The following AMPH variants were observed in gnomAD, a reference collection of about 807,000 sequenced individuals.
The protein encoded by AMPH is amphiphysin (Stiff-Mann syndrome with breast cancer 128kD autoantigen).
In AMPH, 49 loss-of-function variants were observed where a neutral mutation model predicts 99.1. The observed-to-expected ratio is 0.49, with a 90% confidence interval of 0.39 to 0.63. AMPH has a LOEUF of 0.63. Among genes scored for constraint, AMPH ranks in the 20% least tolerant of loss-of-function variants. AMPH has a pLI of 0.00. For synonymous variants in AMPH, 314 were observed against 317.3 expected (o/e 0.99, Z 0.11); for missense variants, 759 against 863.4 (o/e 0.88, Z 1.52).
At chr7:38,388,427 A>G (rs2128973048) in intron 20 of AMPH, among the ~76,000 whole-genome samples, 1 of 151,884 alleles carries the variant, frequency 6.6e-6, no homozygotes, top group East Asian at 1.9e-4. Flanking sequence ...CGGCTTTATC[A>G]ATTTTATCTG....
chr7:38,430,329 CTGA>C (rs1337736546), intron 13 of AMPH, among the ~76,000 whole-genome samples: 1 of 152,184 alleles, frequency 6.6e-6, no homozygotes, highest in African/African-American at 2.4e-5. Context: ...GGAGAATGGT[CTGA>C]TATTAACCAG....
intron 1 of AMPH, among the ~76,000 whole-genome samples, chr7:38,576,060 G>T (rs553281400): frequency 1.6e-4 from 24 of 152,316 alleles, no homozygotes; most frequent in Non-Finnish European, 3.1e-4. Context: ...GGGATAGACT[G>T]CCTAGTGACT....
intron 2 of AMPH, among the ~76,000 whole-genome samples, chr7:38,523,721 T>C (rs975420727): frequency 1.3e-5 from 2 of 152,218 alleles, no homozygotes; most frequent in African/African-American, 4.8e-5. Flanking sequence ...ACTCAAAAAT[T>C]TTACCACTGA....
chr7:38,389,590 T>C (rs1242838688), intron 20 of AMPH, among the ~76,000 whole-genome samples: 1 of 152,220 alleles, frequency 6.6e-6, no homozygotes, highest in Non-Finnish European at 1.5e-5. Flanking sequence ...AACAGTCAAC[T>C]GTTTGTATTA....
intron 1 of AMPH, among the ~76,000 whole-genome samples, chr7:38,605,701 G>A (rs1367936957): frequency 2.0e-5 from 3 of 151,936 alleles, no homozygotes; most frequent in East Asian, 1.9e-4. Context: ...TCAGCCTCCC[G>A]AGTAGCTGGG....
rs377389687 is a variant in AMPH, at chr7:38,620,364, C to CTG, written c.69+10917_69+10918dup. ...TGTGTGTGTGTGTGTGTGTGTGTGT[C>CTG]TGTGTGTGTGTGTTAAAGAAGCAGG... On this transcript the variant is annotated intron_variant, in intron 1 of 20. Coordinates refer to ENST00000356264, the MANE Select transcript of AMPH (RefSeq NM_001635.4). Among the ~76,000 whole-genome samples, 257 of 114,132 alleles carry CTG rather than the reference C, an allele frequency of 2.3e-3. 1 individual carries two copies. Among genetic ancestry groups the CTG allele is most frequent in the Non-Finnish European group, 3.4e-3 (170 of 50,494 alleles). 74.9% of individuals were successfully genotyped at this position (114,132 alleles called of 152,430 possible). A position where few individuals can be genotyped will look rare whatever the true frequency, so the allele number is the denominator to read the frequency against.
At chr7:38,431,469 A>C (rs1040283994) in intron 13 of AMPH, among the ~76,000 whole-genome samples, 5 of 152,154 alleles carry the variant, frequency 3.3e-5, no homozygotes, top group Non-Finnish European at 7.3e-5. Context: ...CATCCTGGCT[A>C]ACACGGTGAA....
chr7:38,510,438 G>A (rs73352499), intron 2 of AMPH, among the ~76,000 whole-genome samples: 2,141 of 152,252 alleles, frequency 0.014, 43 homozygotes, highest in African/African-American at 0.049. Flanking sequence ...AGTCCATGAT[G>A]TAACAATGAA....
chr7:38,482,954 C>T (rs1347868576), intron 5 of AMPH, among the ~76,000 whole-genome samples: 2 of 152,080 alleles, frequency 1.3e-5, no homozygotes, highest in African/African-American at 4.8e-5. Context: ...GTTTGTAAGA[C>T]ACCCAGAAAC....
intron 11 of AMPH, among the ~76,000 whole-genome samples, chr7:38,455,830 A>C (rs1019317979): frequency 4.6e-5 from 7 of 152,240 alleles, no homozygotes; most frequent in African/African-American, 1.7e-4. Context: ...AGCCCCCAAA[A>C]GGACTGCATT....
chr7:38,545,519 G>A (rs1011109701), intron 1 of AMPH, among the ~76,000 whole-genome samples: 1 of 152,086 alleles, frequency 6.6e-6, no homozygotes, highest in African/African-American at 2.4e-5. Context: ...GTCCTACCTG[G>A]GGCCACTGAG....
At chr7:38,529,324 C>G (rs1790307323) in intron 2 of AMPH, among the ~76,000 whole-genome samples, 1 of 152,220 alleles carries the variant, frequency 6.6e-6, no homozygotes. Flanking sequence ...AGAGGAAGCA[C>G]TTGTAAAAAC....
At chr7:38,462,903 G>A in intron 10 of AMPH, 72 bp downstream of exon 10, 1 of 1,451,916 alleles carries the variant, frequency 6.9e-7, no homozygotes, top group Non-Finnish European at 9.2e-7. Context: ...CGGCACCGTG[G>A]GATTATCCTA....
chr7:38,390,001 G>T, intron 19 of AMPH, 96 bp from the exon 20 acceptor site: 1 of 983,032 alleles, frequency 1.0e-6, no homozygotes, highest in Non-Finnish European at 1.6e-6. Flanking sequence ...AAAAGAGGAA[G>T]ATATTTGCCA....
At chr7:38,431,313 A>G (rs1786010942) in intron 13 of AMPH, among the ~76,000 whole-genome samples, 1 of 152,222 alleles carries the variant, frequency 6.6e-6, no homozygotes, top group Non-Finnish European at 1.5e-5. Context: ...CGAGGTAGGC[A>G]TCATTACCCT....
intron 1 of AMPH, among the ~76,000 whole-genome samples, chr7:38,569,891 CA>C (rs1370140492): frequency 2.2e-4 from 34 of 152,166 alleles, no homozygotes; most frequent in African/African-American, 7.7e-4. Context: ...AACAGAAAAC[CA>C]AAATATCATA....
chr7:38,565,560 T>C (rs2129050207), intron 1 of AMPH, among the ~76,000 whole-genome samples: 1 of 152,238 alleles, frequency 6.6e-6, no homozygotes, highest in East Asian at 1.9e-4. Context: ...ACACTAATTA[T>C]GTTGGATTAG....
At chr7:38,622,718 G>C (rs1019057438) in intron 1 of AMPH, among the ~76,000 whole-genome samples, 1 of 152,186 alleles carries the variant, frequency 6.6e-6, no homozygotes, top group African/African-American at 2.4e-5. Context: ...GGCACTATGA[G>C]CAAATCTTGG....
chr7:38,491,924 G>T (rs921594538), intron 4 of AMPH, among the ~76,000 whole-genome samples: 1 of 152,196 alleles, frequency 6.6e-6, no homozygotes, highest in Non-Finnish European at 1.5e-5. Flanking sequence ...CCAGCTGTGT[G>T]ACTTTGGGGA....
Sources: allele counts gnomAD v4.1 joint callset (sites outside exome capture counted in the v4.1 genomes callset), GRCh38; gene constraint gnomAD v4.1.1; transcripts MANE v1.5; gene names NCBI Gene and HGNC (gene_info 2026-07-23, HGNC 2026-07-21).